Variants in SYT15B observed in about 807,000 individuals in gnomAD.
The protein encoded by SYT15B is synaptotagmin 15B.
chr10:47,754,947 C>CT, the SYT15B span, among the ~76,000 whole-genome samples: 1 of 38,174 alleles, frequency 2.6e-5, no homozygotes, highest in African/African-American at 7.0e-5. Context: ...TAACCTCTTT[C>CT]TTTTTCTTTT....
At chr10:47,747,170 T>C in the SYT15B span, among the ~76,000 whole-genome samples, 1 of 151,312 alleles carries the variant, frequency 6.6e-6, no homozygotes, top group Non-Finnish European at 1.5e-5. Context: ...GGCCGAGCAT[T>C]TGGGCAGACG....
chr10:47,763,359 T>G, the SYT15B span: 1 of 985,538 alleles, frequency 1.0e-6, no homozygotes, highest in African/African-American at 1.7e-5. Flanking sequence ...CCCTGCGATT[T>G]GGGACAACTT....
chr10:47,751,274 G>GTT, the SYT15B span: 3 of 131,376 alleles, frequency 2.3e-5, no homozygotes, highest in African/African-American at 8.5e-5. Flanking sequence ...AGCTCTAGTA[G>GTT]TTTTTTTGTG....
the SYT15B span, among the ~76,000 whole-genome samples, chr10:47,748,586 GAGGGACACATTTC>G: frequency 2.0e-5 from 3 of 152,192 alleles, no homozygotes; most frequent in Admixed American, 6.5e-5. Context: ...AGGCAGGTAG[GAGGGACACATTTC>G]TTCTTTTCTT....
At chr10:47,756,864 T>TGA in the SYT15B span, among the ~76,000 whole-genome samples, 2 of 143,680 alleles carry the variant, frequency 1.4e-5, no homozygotes, top group African/African-American at 5.2e-5. Flanking sequence ...CTGGAGGAAC[T>TGA]GGACCCATGC....
At chr10:47,749,013 G>GT in the SYT15B span, among the ~76,000 whole-genome samples, 145 of 89,848 alleles carry the variant, frequency 1.6e-3, no homozygotes, top group African/African-American at 5.8e-3. Context: ...CAGGCAGACT[G>GT]TTTGAGCTCT....
chr10:47,756,650 C>A, the SYT15B span, among the ~76,000 whole-genome samples: 1 of 152,304 alleles, frequency 6.6e-6, no homozygotes, highest in African/African-American at 2.4e-5. Flanking sequence ...TTACGGTGAC[C>A]CCAGATGTGA....
chr10:47,749,429 A>G, the SYT15B span, among the ~76,000 whole-genome samples: 3 of 151,180 alleles, frequency 2.0e-5, no homozygotes, highest in African/African-American at 2.4e-5. Flanking sequence ...TTGACTGCAC[A>G]TAGCAATAAT....
the SYT15B span, among the ~76,000 whole-genome samples, chr10:47,762,040 G>A: frequency 3.0e-5 from 4 of 133,398 alleles, no homozygotes; most frequent in Non-Finnish European, 6.5e-5. Flanking sequence ...GGGTGTGGAC[G>A]CAGTCAGTTA....
the SYT15B span, among the ~76,000 whole-genome samples, chr10:47,755,102 G>A: frequency 1.4e-4 from 21 of 150,398 alleles, no homozygotes; most frequent in East Asian, 3.9e-4. Context: ...GCCTACAGGC[G>A]TGCACCACCA....
the SYT15B span, among the ~76,000 whole-genome samples, chr10:47,749,298 C>T: frequency 2.1e-3 from 296 of 140,628 alleles, 1 homozygote; most frequent in African/African-American, 7.3e-3. Flanking sequence ...GATGTGCATA[C>T]ACAAAAAATA....
At chr10:47,748,011 G>T in the SYT15B span, among the ~76,000 whole-genome samples, 2 of 152,152 alleles carry the variant, frequency 1.3e-5, no homozygotes, top group African/African-American at 2.4e-5. Context: ...GGAAAATACA[G>T]CAAAGAACAT....
the SYT15B span, chr10:47,750,925 T>G: frequency 6.6e-6 from 1 of 150,890 alleles, no homozygotes; most frequent in Admixed American, 6.6e-5. Flanking sequence ...AACAGTCAAT[T>G]AGTATAAGTC....
chr10:47,747,941 T>C, the SYT15B span, among the ~76,000 whole-genome samples: 2 of 151,610 alleles, frequency 1.3e-5, no homozygotes, highest in African/African-American at 4.8e-5. Flanking sequence ...GGAACATTCT[T>C]TGAACTGTAA....
chr10:47,746,784 A>G, the SYT15B span, among the ~76,000 whole-genome samples: 2 of 109,194 alleles, frequency 1.8e-5, no homozygotes, highest in Admixed American at 1.0e-4. Context: ...ACATGTTGTG[A>G]TTAGTTGTTA....
At chr10:47,755,114 G>A in the SYT15B span, among the ~76,000 whole-genome samples, 29 of 149,738 alleles carry the variant, frequency 1.9e-4, no homozygotes, top group African/African-American at 4.9e-4. Flanking sequence ...GCACCACCAC[G>A]CCTAGCTAAC....
the SYT15B span, among the ~76,000 whole-genome samples, chr10:47,745,888 T>C: frequency 6.6e-6 from 1 of 151,128 alleles, no homozygotes; most frequent in East Asian, 2.0e-4. Context: ...GCCAATGGGA[T>C]ATTGGATGAC....
At chr10:47,755,417 A>G in the SYT15B span, among the ~76,000 whole-genome samples, 54 of 152,004 alleles carry the variant, frequency 3.6e-4, no homozygotes, top group African/African-American at 9.2e-4. Flanking sequence ...CACCACACCC[A>G]GCTAATTTTT....
At chr10:47,751,416 G>A in the SYT15B span, 28 of 76,350 alleles carry the variant, frequency 3.7e-4, no homozygotes, top group African/African-American at 1.4e-3. Context: ...AGTTTGGCAA[G>A]AGCTAAATAA....
Sources: gnomAD v4.1 joint callset for allele counts (sites outside exome capture counted in the v4.1 genomes callset) on GRCh38, gnomAD v4.1.1 for gene constraint, MANE v1.5 for transcripts, NCBI Gene and HGNC (gene_info 2026-07-23, HGNC 2026-07-21) for gene names.